The following TUT4 variants were observed in gnomAD, a reference collection of about 807,000 sequenced individuals.
The protein encoded by TUT4 is terminal uridylyl transferase 4, also known as terminal uridylyltransferase 4.
Under a neutral mutation model 192.2 loss-of-function variants are expected in TUT4, and 36 were observed. That is an observed-to-expected ratio of 0.19 (90% confidence interval 0.14 to 0.25). TUT4 has a LOEUF of 0.25. TUT4 is among the 10% of genes least tolerant of loss of function. The probability of loss-of-function intolerance (pLI) is 1.00; values close to 1 mark genes in which losing one functional copy is unlikely to be tolerated. For missense variants in TUT4, 1,493 were observed against 1,957.2 expected, an observed-to-expected ratio of 0.76 and a Z score of 4.47; for synonymous variants, 618 against 666.0, an observed-to-expected ratio of 0.93 and a Z score of 1.11.
intron 9 of TUT4, 80 bp downstream of exon 9, chr1:52,488,829 C>T (rs1225112360): frequency 7.0e-7 from 1 of 1,419,064 alleles, no homozygotes; most frequent in Non-Finnish European, 9.3e-7. Context: ...CATGTCAGTA[C>T]AAGAAAAGGC....
At chr1:52,430,964 C>CAAAAGAAGAAAAGACATGCAGATAA (rs1557627820) in intron 28 of TUT4, 49 bp downstream of exon 28, 1 of 1,510,078 alleles carries the variant, frequency 6.6e-7, no homozygotes, top group Non-Finnish European at 8.9e-7. Context: ...CAGACAGATA[C>CAAAAGAAGAAAAGACATGCAGATAA]AAAAGAAGAA....
At chr1:52,506,583 T>G (rs1675636896) in intron 4 of TUT4, among the ~76,000 whole-genome samples, 1 of 152,246 alleles carries the variant, frequency 6.6e-6, no homozygotes, top group South Asian at 2.1e-4. Context: ...TTGCAATGTT[T>G]GATGTACTAT....
chr1:52,473,750 T>A (rs1666382089), intron 13 of TUT4, among the ~76,000 whole-genome samples: 1 of 152,186 alleles, frequency 6.6e-6, no homozygotes. Context: ...GTATAATCAT[T>A]TTTTCACATG....
chr1:52,484,106 C>T (rs1317058467), intron 9 of TUT4, among the ~76,000 whole-genome samples: 1 of 152,106 alleles, frequency 6.6e-6, no homozygotes. Context: ...CCTAGCTACT[C>T]AGGAAGCTGA....
At chr1:52,490,293 G>A (rs1178783455) in intron 8 of TUT4, among the ~76,000 whole-genome samples, 2 of 151,608 alleles carry the variant, frequency 1.3e-5, no homozygotes, top group Non-Finnish European at 2.9e-5. Context: ...TGGGACCACA[G>A]GCACACACAC....
intron 1 of TUT4, among the ~76,000 whole-genome samples, chr1:52,542,757 A>ACTTTTTTTTTTTTTTTTTTTTTTT (rs772350885): frequency 6.8e-6 from 1 of 147,550 alleles, no homozygotes. Flanking sequence ...CTTTTTATTT[A>ACTTTTTTTTTTTTTTTTTTTTTTT]TTTATTTATT....
chr1:52,512,276 T>C (rs1451716427), intron 3 of TUT4, among the ~76,000 whole-genome samples: 1 of 152,212 alleles, frequency 6.6e-6, no homozygotes, highest in Non-Finnish European at 1.5e-5. Flanking sequence ...GTTCTACAAG[T>C]AGCTCATCTT....
Position 52,514,611 on chromosome 1 carries a change from A to G in TUT4, c.882+1280T>C, listed in dbSNP as rs185015416. 1.3e-4 allele frequency among the ~76,000 whole-genome samples: 20 copies of G among 152,234 alleles called. No homozygotes were observed. The East Asian group carries it at 3.3e-3, about 25-fold the overall frequency. ...TGGCGACTACTCTGCTGTAAGTTCT[A>G]TTAATAACCCAGGATTGTCTTGTTC... On this transcript the variant is annotated intron_variant, in intron 3 of 29. Coordinates refer to ENST00000257177, the MANE Select transcript of TUT4 (RefSeq NM_001009881.3).
intron 1 of TUT4, among the ~76,000 whole-genome samples, chr1:52,531,356 G>A (rs534490245): frequency 2.8e-4 from 43 of 151,960 alleles, no homozygotes; most frequent in African/African-American, 1.0e-3. Context: ...TGGCTGGACT[G>A]GGGGGCCACA....
chr1:52,517,029 A>G (rs771316074), intron 2 of TUT4, among the ~76,000 whole-genome samples: 10 of 152,330 alleles, frequency 6.6e-5, no homozygotes, highest in South Asian at 2.1e-4. Flanking sequence ...ATTAATCACC[A>G]AAGCTGCTTC....
intron 24 of TUT4, among the ~76,000 whole-genome samples, chr1:52,444,191 G>C (rs1224350130): frequency 6.6e-6 from 1 of 151,476 alleles, no homozygotes; most frequent in Admixed American, 6.6e-5. Flanking sequence ...CCAAGATCAC[G>C]CCACTGCACT....
chr1:52,459,892 G>A (rs1557717164), intron 19 of TUT4, among the ~76,000 whole-genome samples: 1 of 150,788 alleles, frequency 6.6e-6, no homozygotes, highest in African/African-American at 2.4e-5. Context: ...AAAAAAACAT[G>A]AAATTAAAAT....
Position 52,465,051 on chromosome 1 carries a change from G to A in TUT4, c.3069+19C>T, listed in dbSNP as rs372631108. The A allele has an allele frequency of 1.2e-4, 181 of 1,560,748 alleles. 1 individual carries two copies. The highest frequency in any genetic ancestry group is 1.1e-3 in the South Asian group (95 of 83,838). ...TTGGGAGAAAATAAACTTACATAACGCTTTCCAAACACTCTTACCTCTGCA... is the reference window on the plus strand; with the variant it reads ...TTGGGAGAAAATAAACTTACATAACACTTTCCAAACACTCTTACCTCTGCA... On this transcript the variant is annotated intron_variant, in intron 16 of 29. Transcript: ENST00000257177.
chr1:52,460,404 C>G (rs1557718647), intron 19 of TUT4, among the ~76,000 whole-genome samples: 2 of 151,930 alleles, frequency 1.3e-5, no homozygotes, highest in Non-Finnish European at 2.9e-5. Flanking sequence ...ATCGCTTAAA[C>G]CCAGGAGGCG....
chr1:52,492,782 T>A (rs1671499990), intron 7 of TUT4, among the ~76,000 whole-genome samples: 2 of 152,262 alleles, frequency 1.3e-5, no homozygotes. Context: ...CTTACCTATA[T>A]GAATGATGTG....
chr1:52,499,712 C>A (rs1673559902), intron 4 of TUT4, among the ~76,000 whole-genome samples: 1 of 151,870 alleles, frequency 6.6e-6, no homozygotes. Context: ...CCAGCTTGAG[C>A]AACAAACAAG....
chr1:52,499,238 A>C (rs1284567843), intron 4 of TUT4, among the ~76,000 whole-genome samples: 2 of 151,816 alleles, frequency 1.3e-5, no homozygotes, highest in African/African-American at 2.4e-5. Context: ...ACCTCTACTA[A>C]AAATACAAAA....
At chr1:52,546,024 A>C (rs928307372) in intron 1 of TUT4, among the ~76,000 whole-genome samples, 1 of 151,206 alleles carries the variant, frequency 6.6e-6, no homozygotes, top group African/African-American at 2.4e-5. Context: ...CCACAGTCCC[A>C]CCTACTCAAG....
chr1:52,486,534 A>AT (rs1483106637), intron 9 of TUT4, among the ~76,000 whole-genome samples: 8 of 152,208 alleles, frequency 5.3e-5, no homozygotes, highest in Admixed American at 4.6e-4. Flanking sequence ...ATAATGTACA[A>AT]TATGGCTTAA....
Sources: allele counts gnomAD v4.1 joint callset (sites outside exome capture counted in the v4.1 genomes callset), GRCh38; gene constraint gnomAD v4.1.1; transcripts MANE v1.5; gene names NCBI Gene and HGNC (gene_info 2026-07-23, HGNC 2026-07-21).